The following DOP1B variants were observed in gnomAD, a reference collection of about 807,000 sequenced individuals.
DOP1B encodes the protein protein DOP1B.
DOP1B carries 174 observed loss-of-function variants against 233.5 expected under a neutral mutation model. That is an observed-to-expected ratio of 0.75 (90% CI 0.66 to 0.85). The LOEUF (loss-of-function observed/expected upper bound fraction) is 0.85. Among genes scored for constraint, DOP1B ranks in the 40% least tolerant of loss-of-function variants. The probability of loss-of-function intolerance (pLI) is 0.00; values close to 1 mark genes in which losing one functional copy is unlikely to be tolerated. For missense variants in DOP1B, 2,652 were observed against 2,846.6 expected (o/e 0.93, Z 1.56); for synonymous variants, 1,190 against 1,185.6 (o/e 1.00, Z -0.08).
In DOP1B at chr21:36,245,291, C is replaced by T. The variant is rs139832395; in HGVS notation, c.3311C>T (p.Pro1104Leu). The T allele has an allele frequency of 1.3e-5, 21 of 1,613,950 alleles. No individual in the cohort carries two copies. The highest frequency in any genetic ancestry group is 1.6e-4 in the Middle Eastern group (1 of 6,084). The change falls in exon 19 of 37, where the codon CCG becomes CTG. Residue 1104 changes from proline (P) to leucine (L), a missense_variant. By Grantham distance (98) the Pro-to-Leu change is moderately conservative. Around this residue, in one of 3 missense-constraint regions of DOP1B, gnomAD observed 2,617 missense variants for 2,794.3 expected, o/e 0.94. Transcript: ENST00000691173. This position sits in a 1 kb window ranked among gnomAD's most constrained non-coding sequence, Gnocchi z 5.5. ...CCAGACAGGACGGCCCACGGCGCCC[C>T]GGACAGCAGCGAGCACACCGAGTCT... is the stretch of plus-strand genomic sequence containing the variant. The part of the protein sequence containing the change: ...ELPDRTAHGA[P>L]DSSEHTESAD...
At chr21:36,158,802 C>CAAAAAAAA (rs386394681) in intron 1 of DOP1B, among the ~76,000 whole-genome samples, 1 of 93,836 alleles carries the variant, frequency 1.1e-5, no homozygotes, top group Non-Finnish European at 2.0e-5. Context: ...ACTCTTGTCT[C>CAAAAAAAA]AAAAAAAAAA....
At chr21:36,281,972 G>GC (rs971071660) in intron 32 of DOP1B, among the ~76,000 whole-genome samples, 2 of 152,106 alleles carry the variant, frequency 1.3e-5, no homozygotes, top group African/African-American at 4.8e-5. Flanking sequence ...TGCCCTCACT[G>GC]CCCCCACACA....
At chr21:36,213,093 C>T (rs994829456) in intron 7 of DOP1B, among the ~76,000 whole-genome samples, 1 of 152,190 alleles carries the variant, frequency 6.6e-6, no homozygotes, top group South Asian at 2.1e-4. Context: ...CAGATCTTAT[C>T]AAAGATCTTA....
In DOP1B at chr21:36,257,926, C is replaced by T. The variant is rs868638765; in HGVS notation, c.5260-2751C>T. On this transcript the variant is annotated intron_variant, in intron 23 of 36. Coordinates refer to ENST00000691173, the MANE Select transcript of DOP1B (RefSeq NM_001320714.2). ...GTAGGTAGGTAGATAGATGTAGGTA[C>T]GTAGGTAGATAGGGAGATAGATGTA... Among the ~76,000 whole-genome samples, 8 of 117,492 alleles carry T rather than the reference C, an allele frequency of 6.8e-5. No homozygotes were observed. In the South Asian group the frequency reaches 1.5e-3, roughly 21 times the overall value. 77.1% of individuals were successfully genotyped at this position (117,492 alleles called of 152,430 possible).
chr21:36,157,738 G>A (rs1177162910), intron 1 of DOP1B, among the ~76,000 whole-genome samples: 2 of 152,204 alleles, frequency 1.3e-5, no homozygotes, highest in African/African-American at 4.8e-5. Context: ...GCCCATTGGT[G>A]ATGAGTGTTT....
At chr21:36,233,631 C>T (rs906165575) in intron 15 of DOP1B, among the ~76,000 whole-genome samples, 4 of 152,178 alleles carry the variant, frequency 2.6e-5, no homozygotes, top group South Asian at 4.2e-4. Context: ...GTAGGTTTTC[C>T]GGAATAAATG....
intron 12 of DOP1B, among the ~76,000 whole-genome samples, chr21:36,227,362 A>G (rs922508380): frequency 2.6e-5 from 4 of 151,650 alleles, no homozygotes; most frequent in South Asian, 2.1e-4. Context: ...CCTGGCTAAC[A>G]CGGTGAAACC....
chr21:36,236,645 G>A (rs1041813078), intron 15 of DOP1B, among the ~76,000 whole-genome samples: 2 of 152,186 alleles, frequency 1.3e-5, no homozygotes, highest in Non-Finnish European at 2.9e-5. Context: ...TGAAAGTAAT[G>A]TTGAGGTTGA....
At chr21:36,181,526 C>G (rs561428573) in intron 2 of DOP1B, among the ~76,000 whole-genome samples, 3 of 151,736 alleles carry the variant, frequency 2.0e-5, no homozygotes, top group African/African-American at 7.2e-5. Flanking sequence ...TGATCCACCC[C>G]CCTCAGCCTC....
chr21:36,277,213 G>C, intron 28 of DOP1B, 113 bp downstream of exon 28: 1 of 1,028,800 alleles, frequency 9.7e-7, no homozygotes, highest in Admixed American at 2.2e-5. Context: ...ACCCTCCCAG[G>C]TGAGCTCGTC....
Position 36,228,982 on chromosome 21 carries a change from T to G in DOP1B, c.1665+1105T>G, listed in dbSNP as rs770804510. Among the ~76,000 whole-genome samples, 62 of 151,878 alleles carry G rather than the reference T, an allele frequency of 4.1e-4. 2 individuals carry two copies. Among genetic ancestry groups the G allele is most frequent in the Non-Finnish European group, 1.2e-4 (8 of 67,948 alleles). On this transcript the variant is annotated intron_variant, in intron 13 of 36. Coordinates refer to ENST00000691173, the MANE Select transcript of DOP1B (RefSeq NM_001320714.2). The stretch of plus-strand genomic sequence containing the variant: ...AGACCCTGTCTCTACAAAAAAAAAT[T>G]TTTAAGTTTAGCACCCTTTGTTTCA...
At chr21:36,205,878 C>A (rs967466896) in intron 4 of DOP1B, among the ~76,000 whole-genome samples, 2 of 151,980 alleles carry the variant, frequency 1.3e-5, no homozygotes, top group Non-Finnish European at 2.9e-5. Flanking sequence ...GGCATGGTGG[C>A]GGCTGCCTGT....
At chr21:36,161,745 G>T (rs1381515411) in intron 1 of DOP1B, among the ~76,000 whole-genome samples, 6 of 152,140 alleles carry the variant, frequency 3.9e-5, no homozygotes, top group Non-Finnish European at 8.8e-5. Context: ...AAAGATCGCC[G>T]TGCCCAGTGG....
chr21:36,236,174 G>GCCCTCCTTCTGGGTCTCAC (rs1183030362), intron 15 of DOP1B, among the ~76,000 whole-genome samples: 41 of 152,356 alleles, frequency 2.7e-4, no homozygotes, highest in African/African-American at 9.9e-4. Flanking sequence ...GTGGGGACCA[G>GCCCTCCTTCTGGGTCTCAC]CCCTCCTTCT....
At chr21:36,287,768 G>A (rs189443809) in intron 32 of DOP1B, among the ~76,000 whole-genome samples, 200 of 151,792 alleles carry the variant, frequency 1.3e-3, no homozygotes, top group African/African-American at 4.6e-3. Flanking sequence ...TGTATTTTTA[G>A]TAGAGATGGG....
chr21:36,199,286 A>C (rs1601404545), intron 3 of DOP1B, 35 bp downstream of exon 3: 1 of 1,582,476 alleles, frequency 6.3e-7, no homozygotes. Context: ...CCTTTTTATT[A>C]CCCAAGTAAC....
intron 26 of DOP1B, among the ~76,000 whole-genome samples, chr21:36,269,248 C>T (rs978979168): frequency 6.6e-6 from 1 of 151,364 alleles, no homozygotes; most frequent in Non-Finnish European, 1.5e-5. Context: ...CTCCACCTCC[C>T]GGGTTCAAGT....
At chr21:36,205,013 C>CT (rs941237026) in intron 4 of DOP1B, among the ~76,000 whole-genome samples, 77 of 151,396 alleles carry the variant, frequency 5.1e-4, no homozygotes, top group African/African-American at 7.7e-4. Context: ...TGGTTCGAGG[C>CT]TTTTTTTTTG....
chr21:36,274,755 A>G (rs2067331030), intron 27 of DOP1B, among the ~76,000 whole-genome samples: 1 of 152,074 alleles, frequency 6.6e-6, no homozygotes, highest in Non-Finnish European at 1.5e-5. Flanking sequence ...GAGCAAGGGG[A>G]GACAGTGGAG....
Sources: allele counts gnomAD v4.1 joint callset (sites outside exome capture counted in the v4.1 genomes callset), GRCh38; gene constraint gnomAD v4.1.1; regional missense constraint gnomAD v4.1.1; non-coding constraint Gnocchi (gnomAD v3.1); transcripts MANE v1.5; gene names NCBI Gene and HGNC (gene_info 2026-07-23, HGNC 2026-07-21).